PAGE3: variants seen among roughly 807,000 people sequenced by gnomAD.
PAGE3 encodes P antigen family member 3.
A neutral mutation model predicts 3.8 loss-of-function variants in PAGE3; 9 were observed. The observed-to-expected ratio is 2.36, with a 90% CI of 1.42 to 4.12. The LOEUF (loss-of-function observed/expected upper bound fraction) is 4.12, where lower values mean the gene tolerates loss of function less well. PAGE3 is among the 30% of genes most tolerant of loss of function. The probability of loss-of-function intolerance (pLI) is 0.00; values close to 1 mark genes in which losing one functional copy is unlikely to be tolerated. For synonymous variants in PAGE3, 24 were observed against 13.1 expected (o/e 1.83, Z -1.79); for missense variants, 73 against 37.8 (o/e 1.93, Z -2.44).
chrX:55,263,554 A>G (rs1159985935), intron 2 of PAGE3, among the ~76,000 whole-genome samples, 195 bp from the exon 3 acceptor site: 2 of 111,742 alleles, frequency 1.8e-5, no homozygotes, highest in Admixed American at 9.6e-5. Flanking sequence ...TTGGGAAGCT[A>G]TTTGAATCCA....
chrX:55,262,703 GATATAT>G (rs10534339), intron 3 of PAGE3, among the ~76,000 whole-genome samples: 2,043 of 90,972 alleles, frequency 0.022, 52 homozygotes, highest in African/African-American at 0.067. Flanking sequence ...TGTTACATAT[GATATAT>G]ATATATATAT....
In PAGE3 at chrX:55,260,634, C is replaced by T. The variant is rs1938274236; in HGVS notation, c.219G>A (p.Trp73Ter). The change falls in exon 4 of 5, where the codon TGG becomes TGA. Residue 73 changes from tryptophan (W) to a stop codon, truncating the protein, a stop_gained. Coordinates refer to ENST00000374951, the MANE Select transcript of PAGE3 (RefSeq NM_001017931.3). LOFTEE classifies it high-confidence loss of function. ...FQVLGLAAYLWELTRSKTGGE... is the reference protein window; with the variant it reads ...FQVLGLAAYL ...CCCCAGTCTTTGACCGAGTCAGTTC[C>T]CAGAGATAGGCTGCCAGGCCTAGCA... 5.4e-6 allele frequency: 3 copies of T among 556,974 alleles called. No individual in the cohort carries two copies. Among genetic ancestry groups the T allele is most frequent in the Non-Finnish European group, 9.9e-6 (3 of 303,659 alleles). 45.9% of individuals were successfully genotyped at this position (556,974 alleles called of 1,213,427 possible). A position where few individuals can be genotyped will look rare whatever the true frequency, so the allele number is the denominator to read the frequency against.
chrX:55,259,216 G>T (rs777691187), intron 4 of PAGE3, among the ~76,000 whole-genome samples: 15 of 110,877 alleles, frequency 1.4e-4, no homozygotes, highest in South Asian at 3.8e-4. Flanking sequence ...AAAAGAAATA[G>T]TAATGATTCT....
chrX:55,260,588 T>C lies in PAGE3; in HGVS notation c.265A>G (p.Asn89Asp), dbSNP rs1938271936. The change falls in exon 4 of 5, where the codon AAT becomes GAT. Residue 89 changes from asparagine (N) to aspartate (D), a missense_variant. Transcript: ENST00000374951. ...KTGGERGDGP[N>D]VKGEFLPNLE... ...TTTGGCAGAAATTCTCCCTTGACATTAGGACCATCTCCACGTTCACCCCCA... is the reference window on the plus strand; with the variant it reads ...TTTGGCAGAAATTCTCCCTTGACATCAGGACCATCTCCACGTTCACCCCCA... 3 of 567,274 alleles carry C rather than the reference T, an allele frequency of 5.3e-6. No homozygotes were observed. Among genetic ancestry groups the C allele is most frequent in the Non-Finnish European group, 3.3e-6 (1 of 307,464 alleles). 46.7% of individuals were successfully genotyped at this position (567,274 alleles called of 1,213,427 possible).
chrX:55,263,706 C>T (rs764373995), intron 2 of PAGE3, 114 bp downstream of exon 2: 1 of 436,177 alleles, frequency 2.3e-6, no homozygotes, highest in African/African-American at 2.5e-5. Context: ...TCACGAGATT[C>T]AATTATTACC....
At chrX:55,260,106 G>A (rs1938261805) in intron 4 of PAGE3, among the ~76,000 whole-genome samples, 1 of 111,616 alleles carries the variant, frequency 9.0e-6, no homozygotes, top group African/African-American at 3.2e-5. Flanking sequence ...GAGCAAATAT[G>A]GGTTTAGAAG....
chrX:55,263,322 T>C lies in PAGE3; in HGVS notation c.122A>G (p.Glu41Gly), dbSNP rs758205180. The change falls in exon 3 of 5, where the codon GAG (glutamate) becomes GGG (glycine). Residue 41 changes from glutamate to glycine, a missense_variant. Physicochemically the swap from Glu to Gly is moderately conservative, Grantham distance 98. Transcript: ENST00000374951. The stretch of plus-strand genomic sequence containing the variant: ...ATCCTGACTTTCAATTGGTGGTTCC[T>C]CTTGTTGAAGCTGGTCATTACTGGG... ...ELPSNDQLQQ[E>G]EPPIESQDYT... 1 of 570,508 alleles carries C rather than the reference T, an allele frequency of 1.8e-6. No homozygotes were observed. Among genetic ancestry groups the C allele is most frequent in the Admixed American group, 2.2e-5 (1 of 45,140 alleles). The allele number at this position is 570,508 out of a possible 1,213,427, so 47.0% of individuals were successfully genotyped here.
chrX:55,262,893 T>G (rs1347935999), intron 3 of PAGE3, among the ~76,000 whole-genome samples: 1 of 108,262 alleles, frequency 9.2e-6, no homozygotes, highest in African/African-American at 3.3e-5. Flanking sequence ...CTACGCATGC[T>G]ATTAAAAGTT....
chrX:55,264,264 A>T (rs2370131), intron 1 of PAGE3, among the ~76,000 whole-genome samples: 1 of 108,591 alleles, frequency 9.2e-6, no homozygotes, highest in African/African-American at 3.4e-5. Flanking sequence ...CAGCCCATTT[A>T]CCCCCTAAAA....
chrX:55,260,475 A>T lies in PAGE3; in HGVS notation c.319+59T>A, dbSNP rs1321163491. 4.1e-5 allele frequency: 21 copies of T among 510,926 alleles called. 1 individual carries two copies. The Admixed American group carries it at 5.2e-4, about 13-fold the overall frequency. 42.1% of individuals were successfully genotyped at this position (510,926 alleles called of 1,213,427 possible). A position where few individuals can be genotyped will look rare whatever the true frequency, so the allele number is the denominator to read the frequency against. On this transcript the variant is annotated intron_variant, in intron 4 of 4. Transcript: ENST00000374951. ...AGTAGTGGTACCTCTATATTATAAAATATATAGTATTTTTGAAAACAGAAA... is the reference window on the plus strand; with the variant it reads ...AGTAGTGGTACCTCTATATTATAAATTATATAGTATTTTTGAAAACAGAAA...
chrX:55,261,253 C>A (rs751944765), intron 3 of PAGE3, among the ~76,000 whole-genome samples: 2 of 110,884 alleles, frequency 1.8e-5, no homozygotes, highest in Non-Finnish European at 3.8e-5. Context: ...AGAAAAAAAA[C>A]TATAAGGGAA....
intron 1 of PAGE3, 52 bp from the exon 2 acceptor site, chrX:55,263,963 G>A (rs994716895): frequency 1.0e-5 from 5 of 492,813 alleles, no homozygotes; most frequent in Admixed American, 2.9e-5. Flanking sequence ...TGTATCATTT[G>A]ACCTTTTCCA....
intron 3 of PAGE3, 112 bp from the exon 4 acceptor site, chrX:55,260,771 G>A: frequency 5.6e-6 from 2 of 355,774 alleles, no homozygotes; most frequent in East Asian, 4.8e-5. Flanking sequence ...AGGCTAGTGT[G>A]GTAATACACG....
intron 4 of PAGE3, among the ~76,000 whole-genome samples, chrX:55,259,503 G>T (rs1168753833): frequency 9.0e-6 from 1 of 110,690 alleles, no homozygotes; most frequent in Non-Finnish European, 1.9e-5. Flanking sequence ...AAATTGTTTA[G>T]AGCTCAAGAA....
chrX:55,260,431 T>A, intron 4 of PAGE3, 103 bp downstream of exon 4: 2 of 411,829 alleles, frequency 4.9e-6, no homozygotes, highest in Non-Finnish European at 8.6e-6. Flanking sequence ...ATATATGAAC[T>A]CTGTTAAATT....
At chrX:55,262,703 GATAT>G (rs10534339) in intron 3 of PAGE3, among the ~76,000 whole-genome samples, 2,228 of 90,997 alleles carry the variant, frequency 0.024, 85 homozygotes, top group African/African-American at 0.087. Flanking sequence ...TGTTACATAT[GATAT>G]ATATATATAT....
At position 55,260,548 on chromosome X, in the gene PAGE3, T is replaced by A. The variant is rs1426475482; in HGVS notation, c.305A>T (p.Lys102Ile). 1 of 564,784 alleles carries A rather than the reference T, an allele frequency of 1.8e-6. No individual in the cohort carries two copies. The highest frequency in any genetic ancestry group is 3.3e-6 in the Non-Finnish European group (1 of 306,938). The allele number at this position is 564,784 out of a possible 1,213,427, so 46.5% of individuals were successfully genotyped here. Reference protein sequence around the residue: ...GEFLPNLEPVKIPEAGEGQPS... With the variant: ...GEFLPNLEPVIIPEAGEGQPS... ...GAATAACTTACCTGCTTCTGGTATTTTAACAGGCTCCAGATTTGGCAGAAA... is the reference window on the plus strand; with the variant it reads ...GAATAACTTACCTGCTTCTGGTATTATAACAGGCTCCAGATTTGGCAGAAA... The change falls in exon 4 of 5, where the codon AAA (lysine) becomes ATA (isoleucine). Residue 102 changes from lysine to isoleucine, a missense_variant. Transcript: ENST00000374951.
At chrX:55,263,194 A>C in intron 3 of PAGE3, 57 bp downstream of exon 3, 1 of 506,721 alleles carries the variant, frequency 2.0e-6, no homozygotes. Flanking sequence ...ATCATAATAC[A>C]TGATATATAC....
At chrX:55,261,848 A>G (rs1303648776) in intron 3 of PAGE3, among the ~76,000 whole-genome samples, 8 of 111,965 alleles carry the variant, frequency 7.1e-5, no homozygotes, top group Non-Finnish European at 1.9e-5. Context: ...AATTTTATGA[A>G]GAATTAGCTG....
Sources: allele counts gnomAD v4.1 joint callset (sites outside exome capture counted in the v4.1 genomes callset), GRCh38; gene constraint gnomAD v4.1.1; transcripts MANE v1.5; gene names NCBI Gene and HGNC (gene_info 2026-07-23, HGNC 2026-07-21).